The following BZW2 variants were observed in gnomAD, a reference collection of about 807,000 sequenced individuals.
BZW2 encodes the protein eIF5-mimic protein 1.
In BZW2, 23 loss-of-function variants were observed where a neutral mutation model predicts 53.2. The ratio of observed to expected loss-of-function variants is 0.43; its 90% CI spans 0.31 to 0.61. The LOEUF is 0.61. Ranked by LOEUF, BZW2 falls within the 20% of genes least tolerant of loss-of-function variation. The probability of loss-of-function intolerance (pLI) is 0.09; values close to 1 mark genes in which losing one functional copy is unlikely to be tolerated. For synonymous variants in BZW2, 227 were observed against 186.4 expected, an observed-to-expected ratio of 1.22 and a Z score of -1.77; for missense variants, 409 against 503.1, an observed-to-expected ratio of 0.81 and a Z score of 1.79.
intron 10 of BZW2, among the ~76,000 whole-genome samples, chr7:16,702,515 T>C (rs1213131203): frequency 6.6e-6 from 1 of 152,176 alleles, no homozygotes; most frequent in African/African-American, 2.4e-5. Flanking sequence ...AGGCACAAGA[T>C]TTGCAATAAA....
At chr7:16,651,763 TAAA>T (rs2128349687) in intron 1 of BZW2, among the ~76,000 whole-genome samples, 1 of 152,296 alleles carries the variant, frequency 6.6e-6, no homozygotes, top group African/African-American at 2.4e-5. Flanking sequence ...TCTCTAAAGA[TAAA>T]TGCCTTTTCC....
intron 4 of BZW2, among the ~76,000 whole-genome samples, chr7:16,682,546 C>T (rs1326075764): frequency 1.3e-5 from 2 of 151,888 alleles, no homozygotes; most frequent in African/African-American, 4.8e-5. Flanking sequence ...TTTTTTCTAC[C>T]TGCTATATTC....
chr7:16,689,712 A>G, intron 6 of BZW2, 85 bp from the exon 7 acceptor site: 3 of 1,132,518 alleles, frequency 2.6e-6, no homozygotes, highest in Non-Finnish European at 3.7e-6. Context: ...TTATTTACAC[A>G]TTTCAGGAAA....
intron 1 of BZW2, among the ~76,000 whole-genome samples, chr7:16,660,781 A>G (rs1323098420): frequency 5.9e-5 from 9 of 152,270 alleles, no homozygotes; most frequent in Admixed American, 6.5e-5. Context: ...TAGTGCTGAT[A>G]GAGAACGTTT....
At chr7:16,663,247 A>C (rs914151050) in intron 1 of BZW2, among the ~76,000 whole-genome samples, 1 of 152,022 alleles carries the variant, frequency 6.6e-6, no homozygotes, top group Non-Finnish European at 1.5e-5. Flanking sequence ...TTATTCTTAC[A>C]CTGGTCTGTG....
chr7:16,685,082 A>G (rs1783072487), intron 5 of BZW2, among the ~76,000 whole-genome samples: 1 of 152,172 alleles, frequency 6.6e-6, no homozygotes, highest in African/African-American at 2.4e-5. Flanking sequence ...GCTGAAATGG[A>G]GAAAGTAACA....
At chr7:16,657,117 CTT>C (rs1166757656) in intron 1 of BZW2, among the ~76,000 whole-genome samples, 2 of 152,256 alleles carry the variant, frequency 1.3e-5, no homozygotes, top group Admixed American at 1.3e-4. Context: ...GCTCGTGACT[CTT>C]TGAGAATTGG....
intron 7 of BZW2, among the ~76,000 whole-genome samples, chr7:16,694,563 A>G (rs993965888): frequency 8.6e-5 from 13 of 151,768 alleles, no homozygotes; most frequent in African/African-American, 1.9e-4. Flanking sequence ...TAATCCAGTA[A>G]CTCTTTAAAA....
At chr7:16,691,404 C>A (rs1477929054) in intron 7 of BZW2, among the ~76,000 whole-genome samples, 1 of 152,196 alleles carries the variant, frequency 6.6e-6, no homozygotes, top group Non-Finnish European at 1.5e-5. Context: ...TATTTCTTGT[C>A]CATGAGGCTG....
At chr7:16,690,195 A>G (rs116739498) in intron 7 of BZW2, among the ~76,000 whole-genome samples, 3,546 of 151,064 alleles carry the variant, frequency 0.023, 136 homozygotes, top group African/African-American at 0.081. Context: ...TTTTATAGCC[A>G]TAACTTTTTT....
intron 1 of BZW2, 118 bp from the exon 2 acceptor site, chr7:16,665,319 A>G (rs1489624639): frequency 1.6e-6 from 2 of 1,212,586 alleles, no homozygotes; most frequent in African/African-American, 3.0e-5. Flanking sequence ...AAAAAAAAAA[A>G]GAGGCATATT....
intron 1 of BZW2, among the ~76,000 whole-genome samples, chr7:16,652,523 C>G (rs1044451143): frequency 6.6e-6 from 1 of 152,054 alleles, no homozygotes; most frequent in African/African-American, 2.4e-5. Flanking sequence ...AGGTTTAAAC[C>G]TTTTTCTTTT....
At chr7:16,675,503 C>T (rs369116928) in intron 3 of BZW2, among the ~76,000 whole-genome samples, 43 of 152,308 alleles carry the variant, frequency 2.8e-4, no homozygotes, top group African/African-American at 9.1e-4. Flanking sequence ...GCATACATTC[C>T]TCCATCTTGA....
At chr7:16,661,695 T>C (rs1338538301) in intron 1 of BZW2, among the ~76,000 whole-genome samples, 1 of 152,156 alleles carries the variant, frequency 6.6e-6, no homozygotes, top group East Asian at 1.9e-4. Flanking sequence ...CCAAGAAATG[T>C]AGTCTCTTAG....
chr7:16,703,003 T>G (rs1783716471), intron 10 of BZW2, among the ~76,000 whole-genome samples: 1 of 152,226 alleles, frequency 6.6e-6, no homozygotes, highest in Non-Finnish European at 1.5e-5. Flanking sequence ...AAGGGTCTTT[T>G]AAAATCCCTG....
intron 7 of BZW2, among the ~76,000 whole-genome samples, 175 bp from the exon 8 acceptor site, chr7:16,694,659 G>A (rs956472208): frequency 2.6e-5 from 4 of 152,132 alleles, no homozygotes; most frequent in South Asian, 2.1e-4. Flanking sequence ...GAAACTGCCT[G>A]ATTTCAGAAG....
intron 6 of BZW2, 180 bp downstream of exon 6, chr7:16,686,220 T>C: frequency 1.0e-6 from 1 of 983,468 alleles, no homozygotes. Flanking sequence ...ACTTGTTAAT[T>C]GTAGGAAGTT....
At chr7:16,647,593 T>A (rs1781898961) in intron 1 of BZW2, among the ~76,000 whole-genome samples, 2 of 152,234 alleles carry the variant, frequency 1.3e-5, no homozygotes, top group Non-Finnish European at 2.9e-5. Context: ...GGTTTGAAAT[T>A]ATTCATCTCA....
chr7:16,667,229 C>A, intron 2 of BZW2, among the ~76,000 whole-genome samples: 1 of 148,952 alleles, frequency 6.7e-6, no homozygotes, highest in Non-Finnish European at 1.5e-5. Flanking sequence ...GTCAGTGAGC[C>A]GACATTGCAC....
Sources: allele counts gnomAD v4.1 joint callset (sites outside exome capture counted in the v4.1 genomes callset), GRCh38; gene constraint gnomAD v4.1.1; transcripts MANE v1.5; gene names NCBI Gene and HGNC (gene_info 2026-07-23, HGNC 2026-07-21).